XYLT2: variants seen among roughly 807,000 people sequenced by gnomAD.
XYLT2 encodes the protein xylosyltransferase 2.
A neutral mutation model predicts 82.6 loss-of-function variants in XYLT2; 37 were observed. The ratio of observed to expected loss-of-function variants is 0.45; its 90% CI spans 0.34 to 0.59. XYLT2 has a LOEUF of 0.59. Ranked by LOEUF, XYLT2 falls within the 20% of genes least tolerant of loss-of-function variation. XYLT2 has a pLI of 0.01. For synonymous variants in XYLT2, 474 were observed against 499.0 expected, an observed-to-expected ratio of 0.95 and a Z score of 0.67; for missense variants, 934 against 1,181.3, an observed-to-expected ratio of 0.79 and a Z score of 3.07.
At chr17:50,347,721 ATGTT>A (rs1202686322) in intron 1 of XYLT2, among the ~76,000 whole-genome samples, 2 of 152,226 alleles carry the variant, frequency 1.3e-5, no homozygotes, top group African/African-American at 4.8e-5. Context: ...CTGGGCTGGA[ATGTT>A]TGAAAAAGCT....
intron 5 of XYLT2, 48 bp from the exon 6 acceptor site, chr17:50,355,733 G>A: frequency 6.2e-7 from 1 of 1,606,216 alleles, no homozygotes; most frequent in Non-Finnish European, 8.5e-7. Context: ...AAAGAGCTTA[G>A]ACCCCACCCT....
intron 5 of XYLT2, 32 bp downstream of exon 5, chr17:50,355,613 A>G (rs1912486545): frequency 6.2e-7 from 1 of 1,612,758 alleles, no homozygotes; most frequent in Non-Finnish European, 8.5e-7. Flanking sequence ...CCCTGGCCCC[A>G]GAGTCTTGTC....
intron 1 of XYLT2, among the ~76,000 whole-genome samples, chr17:50,352,084 C>T (rs73990820): frequency 0.014 from 2,198 of 152,298 alleles, 54 homozygotes; most frequent in African/African-American, 0.05. Flanking sequence ...CATTAAGTCA[C>T]GCTGCTGAAA....
rs1392274740 is a variant in XYLT2, at chr17:50,360,783, G to A, written c.*492G>A. 1.1e-5 allele frequency: 11 copies of A among 985,668 alleles called. No homozygotes were observed. Among genetic ancestry groups the A allele is most frequent in the Non-Finnish European group, 1.3e-5 (11 of 829,768 alleles). 61.1% of individuals were successfully genotyped at this position (985,668 alleles called of 1,614,324 possible). ...TCATGCCCCATTCTGGGCCTGTGGT[G>A]CTCGTGGCTGAGGCTCCACAGGGCT... On this transcript the variant is annotated 3_prime_UTR_variant, in exon 11 of 11. Coordinates refer to ENST00000017003, the MANE Select transcript of XYLT2 (RefSeq NM_022167.4).
chr17:50,348,917 G>A (rs1388148971), intron 1 of XYLT2, among the ~76,000 whole-genome samples: 1 of 152,228 alleles, frequency 6.6e-6, no homozygotes, highest in Non-Finnish European at 1.5e-5. Context: ...AGGGGCACAA[G>A]GCTGGGGCTG....
chr17:50,346,558 G>A lies in XYLT2; in HGVS notation c.135+283G>A. On this transcript the variant is annotated intron_variant, in intron 1 of 10. Transcript: ENST00000017003. This position sits in a 1 kb window ranked among gnomAD's most constrained non-coding sequence, Gnocchi z 5.1. ...CATGCTAGGGTGGTCTCCGGCCAAG[G>A]GAGCGATGAAGGTCAGGCGCGGCGA... 2.1e-6 allele frequency: 2 copies of A among 965,028 alleles called. No individual in the cohort carries two copies. The highest frequency in any genetic ancestry group is 9.6e-5 in the South Asian group (2 of 20,870). 59.8% of individuals were successfully genotyped at this position (965,028 alleles called of 1,614,324 possible).
At chr17:50,359,384 C>T (rs1257320344) in intron 10 of XYLT2, 1 of 152,564 alleles carries the variant, frequency 6.6e-6, no homozygotes, top group Admixed American at 6.5e-5. Context: ...CTTCCCCCAC[C>T]ACGTCCTATC....
At chr17:50,352,652 TGAG>T (rs1912319891) in intron 1 of XYLT2, among the ~76,000 whole-genome samples, 1 of 152,138 alleles carries the variant, frequency 6.6e-6, no homozygotes, top group Non-Finnish European at 1.5e-5. Context: ...TGCCTGGATT[TGAG>T]GAGAGGCAGC....
rs1326311782 is a variant in XYLT2 at position 50,360,343 on chromosome 17, C to T, written c.*52C>T. On this transcript the variant is annotated 3_prime_UTR_variant, in exon 11 of 11. Transcript: ENST00000017003. ...GACCCGGGAAATTGCACCTTACAGACAGTGGAGGGGTGTCCCCTCCCACAG... is the reference window on the plus strand; with the variant it reads ...GACCCGGGAAATTGCACCTTACAGATAGTGGAGGGGTGTCCCCTCCCACAG... 3 of 1,494,960 alleles carry T rather than the reference C, an allele frequency of 2.0e-6. No individual in the cohort carries two copies. In the East Asian group the frequency reaches 7.2e-5, roughly 36 times the overall value. 92.6% of individuals were successfully genotyped at this position (1,494,960 alleles called of 1,614,324 possible). A position where few individuals can be genotyped will look rare whatever the true frequency, so the allele number is the denominator to read the frequency against.
intron 1 of XYLT2, among the ~76,000 whole-genome samples, chr17:50,349,888 G>C (rs1225937989): frequency 6.6e-6 from 1 of 152,084 alleles, no homozygotes; most frequent in Non-Finnish European, 1.5e-5. Context: ...TAATGATAAA[G>C]ATAGCAGCAT....
intron 8 of XYLT2, 72 bp downstream of exon 8, chr17:50,356,845 A>G: frequency 6.5e-7 from 1 of 1,540,626 alleles, no homozygotes; most frequent in Non-Finnish European, 8.7e-7. Context: ...CCAGAGAGTG[A>G]CGTCCCCTGC....
At chr17:50,354,198 T>TGAGGTGAGGATCCTCACCCCTATCTTGG (rs1253201199) in intron 2 of XYLT2, 76 bp downstream of exon 2, 15 of 1,583,602 alleles carry the variant, frequency 9.5e-6, no homozygotes, top group Non-Finnish European at 1.1e-5. Context: ...CACCCCTATC[T>TGAGGTGAGGATCCTCACCCCTATCTTGG]CTCTGAGGAA....
chr17:50,354,040 G>C lies in XYLT2; in HGVS notation c.546G>C (p.Gln182His). 6.2e-7 allele frequency: 1 copy of C among 1,608,326 alleles called. No individual in the cohort carries two copies. Residue 182 changes from glutamine (Q) to histidine (H), a missense_variant, in exon 2 of 11, where the codon CAG (glutamine) becomes CAC (histidine). Physicochemically the swap from Gln to His is conservative, Grantham distance 24 (BLOSUM62 0). This residue lies in a region of XYLT2 where 371 missense variants were observed against 394.9 expected (regional missense o/e 0.94). Coordinates refer to ENST00000017003, the MANE Select transcript of XYLT2 (RefSeq NM_022167.4). ...CCCGGGCCAGCACCAAGCAGTGCCAGCAGGAGATCGCCAATGTGGTGTGCC... is the reference window on the plus strand; with the variant it reads ...CCCGGGCCAGCACCAAGCAGTGCCACCAGGAGATCGCCAATGTGGTGTGCC... ...ALARASTKQC[Q>H]QEIANVVCLH...
In XYLT2 at chr17:50,358,251, T is replaced by C; in HGVS notation, c.1986T>C (p.Phe662=). 1 of 1,611,794 alleles carries C rather than the reference T, an allele frequency of 6.2e-7. No individual in the cohort carries two copies. The highest frequency in any genetic ancestry group is 2.2e-5 in the East Asian group (1 of 44,796). ...WDPKERLFRN[F]GGLLGPLDEP... ...CCAAAGAGCGTCTTTTCCGGAACTT[T>C]GGGGGGTTACTGGGGCCGCTGGACG... Residue 662 remains phenylalanine (F), a synonymous_variant, in exon 10 of 11, where the codon TTT becomes TTC. Transcript: ENST00000017003.
rs759829383 is a variant in XYLT2 at position 50,356,199 on chromosome 17, A to T, written c.1420A>T (p.Ile474Phe). ...KLGCKCQYKH[I>F]VDWCGCSPND... ...GGGCTGCAAGTGCCAGTACAAGCACATTGTGGACTGGTGTGGCTGCTCCCC... is the reference window on the plus strand; with the variant it reads ...GGGCTGCAAGTGCCAGTACAAGCACTTTGTGGACTGGTGTGGCTGCTCCCC... The change falls in exon 7 of 11, where the codon ATT becomes TTT. Residue 474 changes from isoleucine (I) to phenylalanine (F), a missense_variant. By Grantham distance (21) the Ile-to-Phe change is conservative. Transcript: ENST00000017003. The T allele has an allele frequency of 6.2e-7, 1 of 1,614,224 alleles. No homozygotes were observed. Among genetic ancestry groups the T allele is most frequent in the Non-Finnish European group, 8.5e-7 (1 of 1,180,032 alleles).
intron 1 of XYLT2, among the ~76,000 whole-genome samples, chr17:50,348,955 G>A (rs1385108454): frequency 6.6e-6 from 1 of 152,228 alleles, no homozygotes; most frequent in Non-Finnish European, 1.5e-5. Flanking sequence ...GGACATGCCT[G>A]GAAGGGATGG....
Position 50,357,968 on chromosome 17 carries a change from C to T in XYLT2, c.1942-239C>T. ...TTGAACCTCATCCCTGCCGTATTGT[C>T]CCCAATAAGGGGGACTGACCTCCAC... On this transcript the variant is annotated intron_variant, in intron 9 of 10. Transcript: ENST00000017003. 9.3e-6 allele frequency: 5 copies of T among 535,614 alleles called. No homozygotes were observed. The South Asian group carries it at 1.2e-4, about 12-fold the overall frequency. 33.2% of individuals were successfully genotyped at this position (535,614 alleles called of 1,614,324 possible). A position where few individuals can be genotyped will look rare whatever the true frequency, so the allele number is the denominator to read the frequency against.
At position 50,360,571 on chromosome 17, in the gene XYLT2, CTTTTTTTTTT is replaced by C. The variant is rs386386236; in HGVS notation, c.*290_*299del. Reference sequence around the variant, plus strand: ...TGTCTAGTTTGAATTTCTTTTTTTTCTTTTTTTTTTTTTTTTTTTAATTTAAAAAGGAAAA... The same window carrying C: ...TGTCTAGTTTGAATTTCTTTTTTTTCTTTTTTTTTAATTTAAAAAGGAAAA... On this transcript the variant is annotated 3_prime_UTR_variant, in exon 11 of 11. Transcript: ENST00000017003. The C allele has an allele frequency of 4.8e-5, 47 of 979,892 alleles. No homozygotes were observed. Among genetic ancestry groups the C allele is most frequent in the Non-Finnish European group, 5.6e-5 (46 of 825,990 alleles). The allele number at this position is 979,892 out of a possible 1,614,324, so 60.7% of individuals were successfully genotyped here.
At chr17:50,355,651 G>A (rs1378612199) in intron 5 of XYLT2, 70 bp downstream of exon 5, 21 of 1,598,872 alleles carry the variant, frequency 1.3e-5, no homozygotes, top group Non-Finnish European at 1.7e-5. Context: ...GTTGGGCTCG[G>A]TGGCTCCAGC....
Sources: allele counts gnomAD v4.1 joint callset (sites outside exome capture counted in the v4.1 genomes callset), GRCh38; gene constraint gnomAD v4.1.1; regional missense constraint gnomAD v4.1.1; non-coding constraint Gnocchi (gnomAD v3.1); transcripts MANE v1.5; gene names NCBI Gene and HGNC (gene_info 2026-07-23, HGNC 2026-07-21).